The following HTR7 variants were observed in gnomAD, a reference collection of about 807,000 sequenced individuals.
The protein encoded by HTR7 is 5-HT-7.
HTR7 carries 16 observed loss-of-function variants against 34.0 expected under a neutral mutation model. The observed-to-expected ratio is 0.47, with a 90% CI of 0.32 to 0.71. The LOEUF is 0.71. HTR7 is among the 30% of genes least tolerant of loss of function. The pLI, the probability that HTR7 is intolerant of heterozygous loss-of-function variation, is 0.04. For synonymous variants in HTR7, 265 were observed against 260.2 expected, an observed-to-expected ratio of 1.02 and a Z score of -0.18; for missense variants, 504 against 625.5, an observed-to-expected ratio of 0.81 and a Z score of 2.07.
At chr10:90,805,042 AT>A (rs1845682320) in intron 1 of HTR7, among the ~76,000 whole-genome samples, 1 of 152,186 alleles carries the variant, frequency 6.6e-6, no homozygotes, top group South Asian at 2.1e-4. Context: ...ACTGTTTTAT[AT>A]TGCATTACCT....
intron 1 of HTR7, among the ~76,000 whole-genome samples, chr10:90,813,517 G>A (rs926517412): frequency 3.1e-4 from 43 of 139,810 alleles, no homozygotes; most frequent in African/African-American, 7.7e-4. Flanking sequence ...GTGAGACTCC[G>A]TGTCAAAAAA....
chr10:90,784,352 C>T (rs770793049), intron 1 of HTR7, among the ~76,000 whole-genome samples: 3 of 152,114 alleles, frequency 2.0e-5, no homozygotes, highest in African/African-American at 4.8e-5. Context: ...TGCTCTAATC[C>T]TTCTTAGGCA....
chr10:90,848,145 C>A (rs567327441), intron 1 of HTR7, among the ~76,000 whole-genome samples: 1 of 148,032 alleles, frequency 6.8e-6, no homozygotes, highest in African/African-American at 2.5e-5. Context: ...CTCGGCTCAC[C>A]GCAACCTCGG....
intron 1 of HTR7, among the ~76,000 whole-genome samples, chr10:90,799,005 C>A (rs1033028970): frequency 6.6e-6 from 1 of 152,106 alleles, no homozygotes; most frequent in Admixed American, 6.5e-5. Flanking sequence ...CTGACCCTCC[C>A]CAAATTGCTC....
chr10:90,792,568 G>A (rs1042120251), intron 1 of HTR7, among the ~76,000 whole-genome samples: 2 of 151,924 alleles, frequency 1.3e-5, no homozygotes, highest in African/African-American at 4.8e-5. Context: ...ATTATGGATG[G>A]TCCCTAACTA....
chr10:90,763,420 C>CT (rs34059202), intron 1 of HTR7, among the ~76,000 whole-genome samples: 35,174 of 151,892 alleles, frequency 0.23, 4,333 homozygotes, highest in African/African-American at 0.32. Flanking sequence ...TGTTTTATTT[C>CT]TTTTTTTATA....
intron 1 of HTR7, among the ~76,000 whole-genome samples, chr10:90,821,534 TAAAC>T (rs1450087907): frequency 6.6e-6 from 1 of 152,166 alleles, no homozygotes; most frequent in Non-Finnish European, 1.5e-5. Flanking sequence ...TCTGGGGTCT[TAAAC>T]AAATTAGAAA....
intron 1 of HTR7, among the ~76,000 whole-genome samples, chr10:90,842,403 GAAGGGGTAAGACAGATCT>G: frequency 6.6e-6 from 1 of 152,300 alleles, no homozygotes; most frequent in East Asian, 1.9e-4. Context: ...ATAGCAGCAT[GAAGGGGTAAGACAGATCT>G]GGAGTCAGAC....
chr10:90,793,037 A>C (rs1454701238), intron 1 of HTR7, among the ~76,000 whole-genome samples: 1 of 152,234 alleles, frequency 6.6e-6, no homozygotes, highest in Non-Finnish European at 1.5e-5. Context: ...AGCAAAAGCA[A>C]AAAATTAACA....
At chr10:90,742,579 G>A in intron 3 of HTR7, 51 bp from the exon 4 acceptor site, 3 of 1,314,720 alleles carry the variant, frequency 2.3e-6, no homozygotes, top group Non-Finnish European at 3.2e-6. Context: ...AACTGTAAAT[G>A]TGAGTTTTCA....
intron 1 of HTR7, among the ~76,000 whole-genome samples, chr10:90,810,810 A>G (rs1478703677): frequency 6.6e-6 from 1 of 152,016 alleles, no homozygotes; most frequent in Non-Finnish European, 1.5e-5. Context: ...GACATCCCCC[A>G]TTACTTCAGT....
intron 1 of HTR7, among the ~76,000 whole-genome samples, chr10:90,792,616 C>T (rs181738639): frequency 6.6e-6 from 1 of 152,074 alleles, no homozygotes; most frequent in Non-Finnish European, 1.5e-5. Flanking sequence ...CTTTACCATT[C>T]GGTATGCTCC....
chr10:90,835,128 T>G (rs1296273123), intron 1 of HTR7, among the ~76,000 whole-genome samples: 1 of 152,202 alleles, frequency 6.6e-6, no homozygotes, highest in African/African-American at 2.4e-5. Flanking sequence ...CATCTTATGA[T>G]TTCCCATTCT....
At chr10:90,829,729 T>G (rs1846135322) in intron 1 of HTR7, among the ~76,000 whole-genome samples, 1 of 152,084 alleles carries the variant, frequency 6.6e-6, no homozygotes, top group African/African-American at 2.4e-5. Flanking sequence ...ACCTGAAAAC[T>G]CCACACGCAA....
intron 1 of HTR7, among the ~76,000 whole-genome samples, chr10:90,824,874 C>T (rs1846045635): frequency 6.6e-6 from 1 of 152,182 alleles, no homozygotes; most frequent in South Asian, 2.1e-4. Flanking sequence ...GGTCCTGGCT[C>T]CTGGGTGGCT....
intron 1 of HTR7, among the ~76,000 whole-genome samples, chr10:90,806,548 G>A (rs1036015823): frequency 3.3e-5 from 5 of 151,870 alleles, no homozygotes; most frequent in East Asian, 1.9e-4. Context: ...GTAGTGAGCC[G>A]AGATCACGCC....
intron 1 of HTR7, among the ~76,000 whole-genome samples, chr10:90,807,391 A>G (rs1845720847): frequency 6.6e-6 from 1 of 152,196 alleles, no homozygotes; most frequent in South Asian, 2.1e-4. Context: ...AGAAGTGAAT[A>G]TGCCCTGCCT....
rs759637515 is a variant in HTR7 at position 90,749,503 on chromosome 10, C to T, written c.631G>A (p.Ala211Thr). 5.6e-6 allele frequency: 9 copies of T among 1,614,070 alleles called. No individual in the cohort carries two copies. In the Admixed American group the frequency reaches 8.3e-5, roughly 15 times the overall value. The change falls in exon 2 of 4, where the codon GCC becomes ACC. Residue 211 changes from alanine to threonine, a missense_variant. Physicochemically the swap from Ala to Thr is moderately conservative, Grantham distance 58. Coordinates refer to ENST00000336152, the MANE Select transcript of HTR7 (RefSeq NM_019859.4). The surrounding 1 kb of genome is among the most constrained non-coding windows in gnomAD (Gnocchi z 4.2). The stretch of plus-strand genomic sequence containing the variant: ...AAGAGTGGAGGTAAGGTGATGGAGG[C>T]GGAGAGAAGCCAGACGGAGAGAATC... ...KMILSVWLLS[A>T]SITLPPLFGW...
intron 1 of HTR7, among the ~76,000 whole-genome samples, chr10:90,856,373 G>T (rs1244917567): frequency 6.6e-6 from 1 of 152,196 alleles, no homozygotes; most frequent in Non-Finnish European, 1.5e-5. Context: ...AAGAAACCCT[G>T]TGGGTCTCCT....
Sources: allele counts gnomAD v4.1 joint callset (sites outside exome capture counted in the v4.1 genomes callset), GRCh38; gene constraint gnomAD v4.1.1; non-coding constraint Gnocchi (gnomAD v3.1); transcripts MANE v1.5; gene names NCBI Gene and HGNC (gene_info 2026-07-23, HGNC 2026-07-21).